The following COL22A1 variants were observed in gnomAD, a reference collection of about 807,000 sequenced individuals.
COL22A1 encodes the protein collagen type XXII alpha 1 chain.
A neutral mutation model predicts 248.9 loss-of-function variants in COL22A1; 221 were observed. The observed-to-expected ratio is 0.89, with a 90% confidence interval of 0.80 to 0.99. The LOEUF (loss-of-function observed/expected upper bound fraction) is 0.99. Ranked by LOEUF, COL22A1 falls within the 50% of genes least tolerant of loss-of-function variation. COL22A1 has a pLI of 0.00. For missense variants in COL22A1, 2,240 were observed against 2,179.0 expected, an observed-to-expected ratio of 1.03 and a Z score of -0.56; for synonymous variants, 891 against 793.4, an observed-to-expected ratio of 1.12 and a Z score of -2.07.
At chr8:138,664,093 T>C (rs1344131973) in intron 41 of COL22A1, among the ~76,000 whole-genome samples, 1 of 151,494 alleles carries the variant, frequency 6.6e-6, no homozygotes, top group Admixed American at 6.6e-5. Context: ...GCACTGGCTC[T>C]TTCTGCTTGG....
At chr8:138,616,526 A>G (rs1324984952) in intron 54 of COL22A1, among the ~76,000 whole-genome samples, 1 of 152,186 alleles carries the variant, frequency 6.6e-6, no homozygotes, top group Non-Finnish European at 1.5e-5. Context: ...GGTAAAAGTG[A>G]TGCTTTCCAT....
intron 37 of COL22A1, among the ~76,000 whole-genome samples, chr8:138,688,398 G>A (rs1826537640): frequency 6.6e-6 from 1 of 151,990 alleles, no homozygotes; most frequent in Non-Finnish European, 1.5e-5. Flanking sequence ...GCGCACACCT[G>A]TAATCCCAGC....
At chr8:138,703,059 G>A (rs575630211) in intron 31 of COL22A1, among the ~76,000 whole-genome samples, 1 of 152,334 alleles carries the variant, frequency 6.6e-6, no homozygotes, top group South Asian at 2.1e-4. Context: ...AGGCAGATAT[G>A]TATTCTCAGT....
chr8:138,738,728 C>T (rs1013375159), intron 22 of COL22A1, among the ~76,000 whole-genome samples: 1 of 152,132 alleles, frequency 6.6e-6, no homozygotes, highest in Admixed American at 6.6e-5. Flanking sequence ...ATATTGCTGG[C>T]TTCTCAGGGC....
chr8:138,774,415 C>CT (rs142280789), intron 16 of COL22A1, among the ~76,000 whole-genome samples: 3,679 of 128,074 alleles, frequency 0.029, 84 homozygotes, highest in East Asian at 0.067. Context: ...CAAAAGCATT[C>CT]TTTTTTTTTT....
At chr8:138,686,844 T>C (rs1020971091) in intron 37 of COL22A1, among the ~76,000 whole-genome samples, 2 of 152,250 alleles carry the variant, frequency 1.3e-5, no homozygotes, top group African/African-American at 2.4e-5. Flanking sequence ...GAATACCAGA[T>C]GAATCCAGAT....
chr8:138,631,070 C>T (rs543031571), intron 49 of COL22A1, among the ~76,000 whole-genome samples: 2 of 152,316 alleles, frequency 1.3e-5, no homozygotes, highest in South Asian at 2.1e-4. Flanking sequence ...TGTGACACAC[C>T]TGGCCTTCCT....
intron 50 of COL22A1, among the ~76,000 whole-genome samples, chr8:138,629,313 T>C (rs934869782): frequency 6.6e-6 from 1 of 152,078 alleles, no homozygotes; most frequent in African/African-American, 2.4e-5. Context: ...TGTGCCACCG[T>C]GCGAGACTAA....
At chr8:138,899,026 T>C (rs78838853) in intron 1 of COL22A1, among the ~76,000 whole-genome samples, 1,810 of 152,324 alleles carry the variant, frequency 0.012, 19 homozygotes, top group Admixed American at 0.019. Flanking sequence ...AGCCACATGC[T>C]GCAGATGCAA....
At chr8:138,697,977 C>A (rs561240851) in intron 32 of COL22A1, among the ~76,000 whole-genome samples, 1 of 152,316 alleles carries the variant, frequency 6.6e-6, no homozygotes, top group Non-Finnish European at 1.5e-5. Context: ...GCAGAGCCTG[C>A]AGGAAGGATG....
At chr8:138,636,326 G>A (rs1456586267) in intron 48 of COL22A1, among the ~76,000 whole-genome samples, 1 of 151,674 alleles carries the variant, frequency 6.6e-6, no homozygotes, top group African/African-American at 2.4e-5. Flanking sequence ...AGAGCATGGA[G>A]TATCTGTGAA....
chr8:138,715,568 TTAAAAAAAAAAA>T, intron 30 of COL22A1, 102 bp downstream of exon 30: 1 of 431,706 alleles, frequency 2.3e-6, no homozygotes. Flanking sequence ...GACTCTCATT[TTAAAAAAAAAAA>T]AAAAAAAAAA....
chr8:138,589,503 T>C, intron 64 of COL22A1, 63 bp from the exon 65 acceptor site: 1 of 1,301,906 alleles, frequency 7.7e-7, no homozygotes, highest in Non-Finnish European at 1.0e-6. Flanking sequence ...GGATGGGCCC[T>C]GAACTCACAG....
At chr8:138,639,605 A>G (rs1476671684) in intron 47 of COL22A1, among the ~76,000 whole-genome samples, 1 of 152,202 alleles carries the variant, frequency 6.6e-6, no homozygotes, top group East Asian at 1.9e-4. Context: ...CACTCAGTTT[A>G]CTGAAAACAC....
rs1334545717 is a variant in COL22A1 at position 138,694,983 on chromosome 8, T to A, written c.2593-104A>T. Reference sequence around the variant, plus strand: ...GACACACAGGCCACCTCCAGTCCTGTGTATCACCTGATAGGTCCCCACCCC... The same window carrying A: ...GACACACAGGCCACCTCCAGTCCTGAGTATCACCTGATAGGTCCCCACCCC... On this transcript the variant is annotated intron_variant, in intron 32 of 64. Coordinates refer to ENST00000303045, the MANE Select transcript of COL22A1 (RefSeq NM_152888.3). 4 of 1,058,650 alleles carry A rather than the reference T, an allele frequency of 3.8e-6. No homozygotes were observed. In the South Asian group the frequency reaches 6.2e-5, roughly 16 times the overall value. 65.6% of individuals were successfully genotyped at this position (1,058,650 alleles called of 1,614,324 possible). A position where few individuals can be genotyped will look rare whatever the true frequency, so the allele number is the denominator to read the frequency against.
intron 10 of COL22A1, among the ~76,000 whole-genome samples, chr8:138,805,440 G>C (rs1817454581): frequency 7.7e-6 from 1 of 130,612 alleles, no homozygotes; most frequent in Admixed American, 7.5e-5. Context: ...GTGTGGGATG[G>C]TGTGTGGTGT....
chr8:138,811,988 C>T (rs1213388090), intron 8 of COL22A1, 67 bp from the exon 9 acceptor site: 4 of 1,476,236 alleles, frequency 2.7e-6, no homozygotes, highest in Non-Finnish European at 3.6e-6. Context: ...GGCAGAAGCA[C>T]AGTGTCGGGT....
At chr8:138,765,671 C>T (rs931151710) in intron 16 of COL22A1, among the ~76,000 whole-genome samples, 1 of 152,242 alleles carries the variant, frequency 6.6e-6, no homozygotes, top group Non-Finnish European at 1.5e-5. Flanking sequence ...GGTATAATTG[C>T]CCTGTTGACA....
chr8:138,885,950 A>C (rs1354474279), intron 1 of COL22A1, among the ~76,000 whole-genome samples: 1 of 152,158 alleles, frequency 6.6e-6, no homozygotes, highest in Non-Finnish European at 1.5e-5. Flanking sequence ...ATGCCTCAAA[A>C]ATTCTGTATG....
Sources: allele counts gnomAD v4.1 joint callset (sites outside exome capture counted in the v4.1 genomes callset), GRCh38; gene constraint gnomAD v4.1.1; transcripts MANE v1.5; gene names NCBI Gene and HGNC (gene_info 2026-07-23, HGNC 2026-07-21).